The following DIAPH3 variants were observed in gnomAD, a reference collection of about 807,000 sequenced individuals.
The protein encoded by DIAPH3 is diaphanous related formin 3, also known as protein diaphanous homolog 3.
Under a neutral mutation model 144.3 loss-of-function variants are expected in DIAPH3, and 117 were observed. The observed-to-expected ratio is 0.81, with a 90% CI of 0.70 to 0.95. DIAPH3 has a LOEUF of 0.95. DIAPH3 is among the 40% of genes least tolerant of loss of function. The pLI is 0.00. For synonymous variants in DIAPH3, 519 were observed against 488.9 expected, an observed-to-expected ratio of 1.06 and a Z score of -0.81; for missense variants, 1,421 against 1,412.7, an observed-to-expected ratio of 1.01 and a Z score of -0.09.
chr13:60,093,551 A>T, intron 4 of DIAPH3, 77 bp downstream of exon 4: 3 of 952,750 alleles, frequency 3.1e-6, no homozygotes, highest in Admixed American at 1.9e-5. Flanking sequence ...AAACTTAAGT[A>T]CTTCATTAGA....
At chr13:60,010,722 A>G (rs1209204786) in intron 7 of DIAPH3, 53 bp from the exon 8 acceptor site, 2 of 1,558,616 alleles carry the variant, frequency 1.3e-6, no homozygotes, top group Non-Finnish European at 1.8e-6. Flanking sequence ...TTAGAAAAAT[A>G]ATACCCTGAA....
chr13:59,929,882 C>T (rs2140325582), intron 17 of DIAPH3, among the ~76,000 whole-genome samples: 1 of 152,008 alleles, frequency 6.6e-6, no homozygotes, highest in African/African-American at 2.4e-5. Flanking sequence ...TCATTTATTT[C>T]TCCACATGAA....
chr13:59,866,180 C>T (rs2043911750), intron 21 of DIAPH3, among the ~76,000 whole-genome samples: 1 of 151,770 alleles, frequency 6.6e-6, no homozygotes. Flanking sequence ...TGGTACTTAC[C>T]ATGAGACAGA....
chr13:59,973,190 T>C (rs1279853154), intron 15 of DIAPH3, among the ~76,000 whole-genome samples: 2 of 152,158 alleles, frequency 1.3e-5, no homozygotes, highest in African/African-American at 4.8e-5. Flanking sequence ...TATGCAGCAA[T>C]AACTTATTCA....
At chr13:59,769,900 C>G (rs930350262) in intron 27 of DIAPH3, among the ~76,000 whole-genome samples, 5 of 151,982 alleles carry the variant, frequency 3.3e-5, no homozygotes, top group African/African-American at 1.2e-4. Context: ...TTTCTGTAGA[C>G]TACAGAAAAT....
At chr13:59,710,383 C>G (rs929127947) in intron 27 of DIAPH3, among the ~76,000 whole-genome samples, 5 of 151,036 alleles carry the variant, frequency 3.3e-5, no homozygotes, top group African/African-American at 1.2e-4. Flanking sequence ...CAAATGTACT[C>G]TCTACATTTA....
chr13:59,966,332 C>G (rs1477553593), intron 17 of DIAPH3, among the ~76,000 whole-genome samples: 1 of 151,940 alleles, frequency 6.6e-6, no homozygotes, highest in African/African-American at 2.4e-5. Flanking sequence ...CAAGCCCTTA[C>G]CAAGAATATC....
At chr13:60,101,302 T>C (rs2058261614) in intron 3 of DIAPH3, among the ~76,000 whole-genome samples, 1 of 152,158 alleles carries the variant, frequency 6.6e-6, no homozygotes, top group Non-Finnish European at 1.5e-5. Context: ...TTTATCTATG[T>C]TATCATCTAA....
At chr13:59,751,470 G>A (rs1421512429) in intron 27 of DIAPH3, among the ~76,000 whole-genome samples, 1 of 152,102 alleles carries the variant, frequency 6.6e-6, no homozygotes, top group South Asian at 2.1e-4. Flanking sequence ...TTTTCTATTT[G>A]TAAACACCTT....
intron 15 of DIAPH3, among the ~76,000 whole-genome samples, chr13:59,971,931 T>A (rs767723635): frequency 3.3e-5 from 5 of 152,198 alleles, no homozygotes; most frequent in Non-Finnish European, 7.3e-5. Context: ...GAAAGCCTTA[T>A]CTGACCACTC....
At chr13:59,897,660 A>C (rs1237876083) in intron 20 of DIAPH3, among the ~76,000 whole-genome samples, 2 of 151,974 alleles carry the variant, frequency 1.3e-5, no homozygotes, top group Non-Finnish European at 1.5e-5. Context: ...AGGCAAGAGA[A>C]TCGTTTGAAC....
chr13:60,157,535 C>G (rs949972996), intron 1 of DIAPH3, among the ~76,000 whole-genome samples: 10 of 152,276 alleles, frequency 6.6e-5, no homozygotes, highest in African/African-American at 2.4e-4. Context: ...TATGGTTATA[C>G]AACTGCTTTA....
At chr13:60,127,193 G>A (rs1336811768) in intron 2 of DIAPH3, among the ~76,000 whole-genome samples, 1 of 151,788 alleles carries the variant, frequency 6.6e-6, no homozygotes, top group Non-Finnish European at 1.5e-5. Flanking sequence ...AAAGGGATAA[G>A]AAAATATCAC....
At position 60,109,448 on chromosome 13, in the gene DIAPH3, G is replaced by C. The variant is rs1457454852; in HGVS notation, c.390+2562C>G. On this transcript the variant is annotated intron_variant, in intron 3 of 27. Transcript: ENST00000400324. ...CCGACCCCAATCTAGTCTTGGAAGA[G>C]ACAAATTCAGTCCAGAGAATAGGGA... 4.8e-5 allele frequency among the ~76,000 whole-genome samples: 7 copies of C among 145,418 alleles called. No homozygotes were observed. The East Asian group carries it at 8.0e-4, about 17-fold the overall frequency.
intron 2 of DIAPH3, among the ~76,000 whole-genome samples, chr13:60,126,742 T>C (rs1215652699): frequency 6.6e-6 from 1 of 152,086 alleles, no homozygotes; most frequent in Non-Finnish European, 1.5e-5. Flanking sequence ...TCAGACACAG[T>C]CAAATATCAG....
intron 25 of DIAPH3, among the ~76,000 whole-genome samples, chr13:59,788,132 C>A (rs1230054623): frequency 6.6e-6 from 1 of 152,104 alleles, no homozygotes; most frequent in Non-Finnish European, 1.5e-5. Flanking sequence ...TAATCCTCAA[C>A]CTCATTCATA....
At chr13:59,719,193 A>G (rs1035063530) in intron 27 of DIAPH3, among the ~76,000 whole-genome samples, 4 of 152,212 alleles carry the variant, frequency 2.6e-5, no homozygotes, top group Non-Finnish European at 5.9e-5. Context: ...TAAGCCATAA[A>G]ATAAAATGTC....
intron 27 of DIAPH3, among the ~76,000 whole-genome samples, chr13:59,721,894 T>C (rs2035363605): frequency 6.6e-6 from 1 of 151,824 alleles, no homozygotes; most frequent in Non-Finnish European, 1.5e-5. Context: ...ATAGAGGGAG[T>C]TTTGAAAGCA....
At chr13:60,043,116 T>A (rs2055806136) in intron 4 of DIAPH3, among the ~76,000 whole-genome samples, 1 of 152,158 alleles carries the variant, frequency 6.6e-6, no homozygotes, top group Non-Finnish European at 1.5e-5. Context: ...TAAAATACAG[T>A]AATATTTTTA....
Sources: allele counts gnomAD v4.1 joint callset (sites outside exome capture counted in the v4.1 genomes callset), GRCh38; gene constraint gnomAD v4.1.1; transcripts MANE v1.5; gene names NCBI Gene and HGNC (gene_info 2026-07-23, HGNC 2026-07-21).